Variants in PNLIPRP3 observed in about 807,000 individuals in gnomAD.
The protein encoded by PNLIPRP3 is pancreatic lipase related protein 3, also known as pancreatic lipase-related protein 3.
A neutral mutation model predicts 52.8 loss-of-function variants in PNLIPRP3; 58 were observed. The observed-to-expected ratio is 1.10, with a 90% CI of 0.89 to 1.37. The LOEUF (loss-of-function observed/expected upper bound fraction) is 1.37, where lower values mean the gene tolerates loss of function less well. Among genes scored for constraint, PNLIPRP3 ranks in the 40% most tolerant of loss-of-function variants. The pLI is 0.00. For synonymous variants in PNLIPRP3, 192 were observed against 185.0 expected (o/e 1.04, Z -0.31); for missense variants, 593 against 561.6 (o/e 1.06, Z -0.57).
At position 116,477,269 on chromosome 10, in the gene PNLIPRP3, G is replaced by T. The variant is rs546896990; in HGVS notation, c.*116G>T. The T allele has an allele frequency of 1.9e-4, 140 of 755,852 alleles. No homozygotes were observed. The highest frequency in any genetic ancestry group is 3.2e-5 in the Non-Finnish European group (15 of 475,128). 46.8% of individuals were successfully genotyped at this position (755,852 alleles called of 1,614,324 possible). A position where few individuals can be genotyped will look rare whatever the true frequency, so the allele number is the denominator to read the frequency against. On this transcript the variant is annotated 3_prime_UTR_variant, in exon 12 of 12. Transcript: ENST00000369230. Reference sequence around the variant, plus strand: ...GTAAATGACTTAGTCATTTACAAGGGTCTTACTCAGAGTCAAGTACGGGTT... The same window carrying T: ...GTAAATGACTTAGTCATTTACAAGGTTCTTACTCAGAGTCAAGTACGGGTT...
At chr10:116,454,021 G>A (rs1846076645) in intron 4 of PNLIPRP3, among the ~76,000 whole-genome samples, 1 of 152,082 alleles carries the variant, frequency 6.6e-6, no homozygotes, top group South Asian at 2.1e-4. Context: ...ACTTACGAGT[G>A]AGAACATTCA....
At chr10:116,432,148 G>A (rs1181796890) in intron 1 of PNLIPRP3, among the ~76,000 whole-genome samples, 2 of 152,166 alleles carry the variant, frequency 1.3e-5, no homozygotes, top group Non-Finnish European at 2.9e-5. Flanking sequence ...TTTCTCCAAT[G>A]CTGAATTCCA....
intron 1 of PNLIPRP3, among the ~76,000 whole-genome samples, chr10:116,433,619 T>C (rs1469869768): frequency 6.6e-6 from 1 of 152,174 alleles, no homozygotes; most frequent in Non-Finnish European, 1.5e-5. Context: ...TCTCCATCCC[T>C]TTAAGACCAT....
chr10:116,460,420 G>A (rs1280077633), intron 5 of PNLIPRP3, among the ~76,000 whole-genome samples: 1 of 152,150 alleles, frequency 6.6e-6, no homozygotes, highest in East Asian at 1.9e-4. Flanking sequence ...TGGACACCTG[G>A]CCTCTTAGTC....
intron 2 of PNLIPRP3, among the ~76,000 whole-genome samples, chr10:116,441,349 CA>C (rs1845855259): frequency 6.6e-6 from 1 of 152,154 alleles, no homozygotes; most frequent in Admixed American, 6.6e-5. Context: ...TCAGACCCCA[CA>C]ATGCCTGTCA....
At chr10:116,461,464 G>A (rs979167886) in intron 7 of PNLIPRP3, among the ~76,000 whole-genome samples, 174 bp downstream of exon 7, 3 of 152,152 alleles carry the variant, frequency 2.0e-5, no homozygotes, top group African/African-American at 4.8e-5. Context: ...ATCGGGTACC[G>A]TGTCTTCATT....
intron 1 of PNLIPRP3, among the ~76,000 whole-genome samples, chr10:116,429,701 A>G (rs1286792128): frequency 6.6e-6 from 1 of 152,222 alleles, no homozygotes; most frequent in African/African-American, 2.4e-5. Flanking sequence ...TGCTGAAAGC[A>G]GTTAGACTGG....
chr10:116,437,478 C>T (rs773771054), intron 2 of PNLIPRP3, among the ~76,000 whole-genome samples: 2 of 152,170 alleles, frequency 1.3e-5, no homozygotes, highest in African/African-American at 2.4e-5. Context: ...AACCACAGGC[C>T]TGTCTGATGA....
At chr10:116,430,246 C>T (rs1845691680) in intron 1 of PNLIPRP3, among the ~76,000 whole-genome samples, 1 of 151,996 alleles carries the variant, frequency 6.6e-6, no homozygotes, top group Admixed American at 6.6e-5. Flanking sequence ...TTTCTGGTTT[C>T]CTATTGAAAT....
rs1353693627 is a variant in PNLIPRP3 at position 116,454,426 on chromosome 10, A to AT, written c.457-1290dup. ...AGCCCCCACGCCTGGCAGATGTACC[A>AT]TTTTTTAATAATGAGAGTGTTTTAA... is the stretch of plus-strand genomic sequence containing the variant. On this transcript the variant is annotated intron_variant, in intron 4 of 11. Transcript: ENST00000369230. Among the ~76,000 whole-genome samples, 3 of 152,264 alleles carry AT rather than the reference A, an allele frequency of 2.0e-5. No homozygotes were observed. The East Asian group carries it at 5.8e-4, about 29-fold the overall frequency.
At chr10:116,435,135 T>C (rs1744674693) in intron 1 of PNLIPRP3, among the ~76,000 whole-genome samples, 1 of 152,210 alleles carries the variant, frequency 6.6e-6, no homozygotes, top group Non-Finnish European at 1.5e-5. Flanking sequence ...GCCAAAAATA[T>C]TTATCTAGTT....
At chr10:116,440,122 G>C in intron 2 of PNLIPRP3, 1 of 637,068 alleles carries the variant, frequency 1.6e-6, no homozygotes, top group South Asian at 1.9e-5. Context: ...GTATTTGGGG[G>C]CACCTTCTCT....
intron 9 of PNLIPRP3, among the ~76,000 whole-genome samples, chr10:116,469,864 C>T (rs1846339170): frequency 6.6e-6 from 1 of 151,740 alleles, no homozygotes; most frequent in Non-Finnish European, 1.5e-5. Flanking sequence ...TTAAGAATTA[C>T]CAGATTATTT....
At chr10:116,434,752 A>AGGGAAAACAGAAGGCTGTTTT (rs1845752512) in intron 1 of PNLIPRP3, among the ~76,000 whole-genome samples, 1 of 152,224 alleles carries the variant, frequency 6.6e-6, no homozygotes, top group Non-Finnish European at 1.5e-5. Context: ...TGGGCATTCT[A>AGGGAAAACAGAAGGCTGTTTT]GGGAAAACAG....
At chr10:116,443,675 AT>A (rs1430612257) in intron 3 of PNLIPRP3, among the ~76,000 whole-genome samples, 21 of 136,378 alleles carry the variant, frequency 1.5e-4, no homozygotes, top group Non-Finnish European at 2.4e-4. Flanking sequence ...ACACATATAT[AT>A]AAACACATAT....
At chr10:116,433,820 A>G (rs1033686814) in intron 1 of PNLIPRP3, among the ~76,000 whole-genome samples, 6 of 151,014 alleles carry the variant, frequency 4.0e-5, no homozygotes, top group Admixed American at 2.0e-4. Flanking sequence ...GCTAGGCCCA[A>G]CCTAAAACCA....
At chr10:116,462,586 A>C (rs1326573458) in intron 7 of PNLIPRP3, among the ~76,000 whole-genome samples, 1 of 152,108 alleles carries the variant, frequency 6.6e-6, no homozygotes, top group Non-Finnish European at 1.5e-5. Flanking sequence ...TATTTTAAAA[A>C]CCCACACAAC....
At chr10:116,443,296 C>T (rs558488104) in intron 3 of PNLIPRP3, 122 bp downstream of exon 3, 35 of 1,095,400 alleles carry the variant, frequency 3.2e-5, no homozygotes, top group Middle Eastern at 5.2e-4. Flanking sequence ...CACAATTATC[C>T]GTGTTCTGGG....
At chr10:116,466,696 G>A (rs1846286471) in intron 8 of PNLIPRP3, among the ~76,000 whole-genome samples, 2 of 152,192 alleles carry the variant, frequency 1.3e-5, no homozygotes, top group South Asian at 4.1e-4. Flanking sequence ...GATTTTACTT[G>A]AGTAAAAGAA....
Sources: gnomAD v4.1 joint callset for allele counts (sites outside exome capture counted in the v4.1 genomes callset) on GRCh38, gnomAD v4.1.1 for gene constraint, MANE v1.5 for transcripts, NCBI Gene and HGNC (gene_info 2026-07-23, HGNC 2026-07-21) for gene names.